CSF2RA: variants seen among roughly 807,000 people sequenced by gnomAD.
The protein encoded by CSF2RA is colony stimulating factor 2 receptor subunit alpha.
In CSF2RA, 42 loss-of-function variants were observed where a neutral mutation model predicts 51.6. The ratio of observed to expected loss-of-function variants is 0.81; its 90% CI spans 0.64 to 1.05. The LOEUF is 1.05. Ranked by LOEUF, CSF2RA falls within the 50% of genes least tolerant of loss-of-function variation. The pLI is 0.00. For missense variants in CSF2RA, 530 were observed against 501.1 expected (o/e 1.06, Z -0.55); for synonymous variants, 222 against 193.0 (o/e 1.15, Z -1.24).
chrX:1,288,885 CAAAG>C lies in CSF2RA; in HGVS notation c.471_473+1del, dbSNP rs1209743129. The C allele has an allele frequency of 6.3e-7, 1 of 1,592,602 alleles. No individual in the cohort carries two copies. Among genetic ancestry groups the C allele is most frequent in the African/African-American group, 1.4e-5 (1 of 73,954 alleles). ...CAGTATTTTTTGTACATACGAAACT[CAAAG>C]TAAGTGTTCACCTCATGTGAAGAAT... is the stretch of plus-strand genomic sequence containing the variant. On this transcript the variant is annotated splice_donor_variant and coding_sequence_variant, in exon 6 of 13. Coordinates refer to ENST00000381529, the MANE Select transcript of CSF2RA (RefSeq NM_172245.4). LOFTEE classifies it high-confidence loss of function.
rs199930772 is a variant in CSF2RA at position 1,284,183 on chromosome X, T to TTC, written c.76+1408_76+1409dup. On this transcript the variant is annotated intron_variant, in intron 3 of 12. Transcript: ENST00000381529. Reference sequence around the variant, plus strand: ...CCTGTTCTCATTCAAGCGGTTTTCTTTCTCTGTCTCTCTTTTTTTTTTTTT... The same window carrying TTC: ...CCTGTTCTCATTCAAGCGGTTTTCTTTCTCTCTGTCTCTCTTTTTTTTTTTTT... Among the ~76,000 whole-genome samples, 30 of 132,194 alleles carry TTC rather than the reference T, an allele frequency of 2.3e-4. 2 individuals carry two copies. The highest frequency in any genetic ancestry group is 7.2e-4 in the African/African-American group (24 of 33,542). 86.7% of individuals were successfully genotyped at this position (132,194 alleles called of 152,430 possible). A position where few individuals can be genotyped will look rare whatever the true frequency, so the allele number is the denominator to read the frequency against.
chrX:1,286,875 C>T (rs1417745294), intron 4 of CSF2RA, among the ~76,000 whole-genome samples: 1 of 152,014 alleles, frequency 6.6e-6, no homozygotes, highest in Non-Finnish European at 1.5e-5. Flanking sequence ...TGTCACCGTC[C>T]TGGTTCCCCA....
chrX:1,313,103 C>T (rs180759153), downstream of CSF2RA, among the ~76,000 whole-genome samples: 8 of 152,186 alleles, frequency 5.3e-5, no homozygotes, highest in African/African-American at 1.9e-4. Flanking sequence ...GCCCTATTTA[C>T]CTCAGAAGCA....
At chrX:1,283,830 A>T (rs1241456659) in intron 3 of CSF2RA, among the ~76,000 whole-genome samples, 1 of 151,902 alleles carries the variant, frequency 6.6e-6, no homozygotes, top group East Asian at 1.9e-4. Context: ...CGGCCTCCCA[A>T]AGTGCTAGGA....
At chrX:1,311,762 A>G (rs1450983336), downstream of CSF2RA, among the ~76,000 whole-genome samples, 2 of 151,982 alleles carry the variant, frequency 1.3e-5, no homozygotes, top group Non-Finnish European at 2.9e-5. Flanking sequence ...TCTTTAAAAT[A>G]CATCACCCAG....
intron 1 of CSF2RA, among the ~76,000 whole-genome samples, chrX:1,271,731 G>T (rs1472147628): frequency 6.6e-6 from 1 of 151,754 alleles, no homozygotes; most frequent in African/African-American, 2.4e-5. Flanking sequence ...TGGCCAGGCT[G>T]GTCTGGAACT....
At chrX:1,319,920 G>C in the CSF2RA span, among the ~76,000 whole-genome samples, 1 of 147,346 alleles carries the variant, frequency 6.8e-6, no homozygotes, top group African/African-American at 2.5e-5. Flanking sequence ...TTTTGAGATG[G>C]AGTCTCGCTC....
chrX:1,287,542 C>T (rs1400828878), intron 4 of CSF2RA, among the ~76,000 whole-genome samples: 1 of 149,376 alleles, frequency 6.7e-6, no homozygotes, highest in Non-Finnish European at 1.5e-5. Context: ...CTCCTGGGTT[C>T]AAGAGATTCT....
chrX:1,304,450 T>C (rs748407944), intron 11 of CSF2RA, among the ~76,000 whole-genome samples: 3 of 148,924 alleles, frequency 2.0e-5, no homozygotes, highest in South Asian at 4.3e-4. Flanking sequence ...GAATACACAG[T>C]GATGCTCACA....
At chrX:1,316,448 C>A in the CSF2RA span, among the ~76,000 whole-genome samples, 1 of 152,140 alleles carries the variant, frequency 6.6e-6, no homozygotes, top group East Asian at 1.9e-4. Flanking sequence ...AGCCCCCAGG[C>A]CAGCAAAGAT....
intron 11 of CSF2RA, among the ~76,000 whole-genome samples, chrX:1,304,535 AG>A (rs1472053943): frequency 2.0e-5 from 3 of 151,742 alleles, no homozygotes; most frequent in African/African-American, 7.3e-5. Context: ...AGCTGTGGGC[AG>A]CTTCAGGGAG....
intron 4 of CSF2RA, among the ~76,000 whole-genome samples, chrX:1,286,489 A>G: frequency 6.6e-6 from 1 of 151,568 alleles, no homozygotes; most frequent in Non-Finnish European, 1.5e-5. Context: ...GAATTACTGA[A>G]ACTCGGGAGG....
chrX:1,293,221 G>C (rs28454201), intron 7 of CSF2RA, among the ~76,000 whole-genome samples: 1 of 151,546 alleles, frequency 6.6e-6, no homozygotes, highest in Non-Finnish European at 1.5e-5. Flanking sequence ...TTGTTTGTTT[G>C]TTTGTTTTTC....
Position 1,287,205 on chromosome X carries a change from G to A in CSF2RA, c.219+1285G>A, listed in dbSNP as rs1279213435. On this transcript the variant is annotated intron_variant, in intron 4 of 12. Transcript: ENST00000381529. ...TTTCCCTCTTGTTGCCCAGGCTGGAGTACACTGGTGTGATCTTGGCTCACT... is the reference window on the plus strand; with the variant it reads ...TTTCCCTCTTGTTGCCCAGGCTGGAATACACTGGTGTGATCTTGGCTCACT... The A allele has an allele frequency of 2.1e-5, 3 of 146,202 alleles. No individual in the cohort carries two copies. In the East Asian group the frequency reaches 6.0e-4, roughly 29 times the overall value. 9.1% of individuals were successfully genotyped at this position (146,202 alleles called of 1,614,324 possible).
intron 2 of CSF2RA, among the ~76,000 whole-genome samples, chrX:1,275,712 C>G (rs1392038541): frequency 5.9e-5 from 9 of 151,546 alleles, no homozygotes; most frequent in African/African-American, 2.2e-4. Flanking sequence ...GCGCCCACCA[C>G]CATGCCCAGC....
intron 2 of CSF2RA, among the ~76,000 whole-genome samples, chrX:1,279,004 T>G (rs1251058520): frequency 2.9e-4 from 44 of 151,400 alleles, no homozygotes; most frequent in African/African-American, 1.0e-3. Flanking sequence ...GCCACTGTAC[T>G]CCAGCCTGGG....
chrX:1,296,187 A>G (rs1303316549), intron 9 of CSF2RA, among the ~76,000 whole-genome samples: 1 of 142,694 alleles, frequency 7.0e-6, no homozygotes, highest in Non-Finnish European at 1.5e-5. Flanking sequence ...CACCTAGTGT[A>G]ACTAACCATA....
the CSF2RA span, among the ~76,000 whole-genome samples, chrX:1,317,104 G>A: frequency 6.6e-6 from 1 of 151,470 alleles, no homozygotes; most frequent in Non-Finnish European, 1.5e-5. Context: ...CCACCACCAT[G>A]CCCGGCTAAT....
downstream of CSF2RA, among the ~76,000 whole-genome samples, chrX:1,314,173 A>G (rs1780797954): frequency 7.0e-6 from 1 of 143,484 alleles, no homozygotes; most frequent in African/African-American, 2.7e-5. Flanking sequence ...AGAGGCTGTC[A>G]ATATTGGCTG....
Sources: gnomAD v4.1 joint callset for allele counts (sites outside exome capture counted in the v4.1 genomes callset) on GRCh38, gnomAD v4.1.1 for gene constraint, MANE v1.5 for transcripts, NCBI Gene and HGNC (gene_info 2026-07-23, HGNC 2026-07-21) for gene names.